The following ZNF264 variants were observed in gnomAD, a reference collection of about 807,000 sequenced individuals.
ZNF264 encodes zinc finger protein 264.
In ZNF264, 11 loss-of-function variants were observed where a neutral mutation model predicts 11.2. The ratio of observed to expected loss-of-function variants is 0.98; its 90% confidence interval spans 0.62 to 1.63. The LOEUF is 1.63. Ranked by LOEUF, ZNF264 falls within the 40% of genes most tolerant of loss-of-function variation. ZNF264 has a pLI of 0.00. For synonymous variants in ZNF264, 309 were observed against 279.8 expected (o/e 1.10, Z -1.04); for missense variants, 752 against 768.1 (o/e 0.98, Z 0.25).
rs981819451 is a variant in ZNF264, at chr19:57,214,097, G to C, written c.*1116G>C. On this transcript the variant is annotated 3_prime_UTR_variant, in exon 4 of 4. Coordinates refer to ENST00000263095, the MANE Select transcript of ZNF264 (RefSeq NM_003417.5). ...TTTTGCTACCCTGCAACCTTATTGA[G>C]TTCACTTATTATTTTTAGCTATTTC... The C allele has an allele frequency of 2.0e-5, 3 of 152,122 alleles. No homozygotes were observed. The highest frequency in any genetic ancestry group is 4.4e-5 in the Non-Finnish European group (3 of 68,022). 9.4% of individuals were successfully genotyped at this position (152,122 alleles called of 1,614,324 possible).
rs1254918474 is a variant in ZNF264 at position 57,213,624 on chromosome 19, A to T, written c.*643A>T. ...TTACTTAGCTCAAAATGTCAGTGGT[A>T]AATTTTTAAATTGAGTAAAGTGATT... On this transcript the variant is annotated 3_prime_UTR_variant, in exon 4 of 4. Coordinates refer to ENST00000263095, the MANE Select transcript of ZNF264 (RefSeq NM_003417.5). 1.3e-5 allele frequency: 2 copies of T among 152,344 alleles called. No homozygotes were observed. Among genetic ancestry groups the T allele is most frequent in the African/African-American group, 4.8e-5 (2 of 41,580 alleles). 9.4% of individuals were successfully genotyped at this position (152,344 alleles called of 1,614,324 possible).
rs534940762 is a variant in ZNF264 at position 57,196,365 on chromosome 19, G to T, written c.160+2364G>T. Among the ~76,000 whole-genome samples the T allele has an allele frequency of 7.8e-4, 118 of 152,136 alleles. 1 individual carries two copies. Among genetic ancestry groups the T allele is most frequent in the African/African-American group, 2.7e-3 (113 of 41,376 alleles). ...ATATCCAGAGTAAGTGTCTATTCTA[G>T]TGAGGACAGACCTCTGCCCTTTCCA... On this transcript the variant is annotated intron_variant, in intron 2 of 3. Transcript: ENST00000263095.
chr19:57,207,916 G>C (rs1471809061), intron 3 of ZNF264, among the ~76,000 whole-genome samples: 1 of 152,004 alleles, frequency 6.6e-6, no homozygotes, highest in Admixed American at 6.6e-5. Flanking sequence ...AATAAAAATG[G>C]GGTTTCACCA....
chr19:57,208,606 A>C (rs2087311397), intron 3 of ZNF264, among the ~76,000 whole-genome samples: 1 of 152,178 alleles, frequency 6.6e-6, no homozygotes, highest in African/African-American at 2.4e-5. Context: ...AAAATTAATA[A>C]TAATTTTCTA....
intron 2 of ZNF264, among the ~76,000 whole-genome samples, chr19:57,199,085 A>G (rs1271811206): frequency 6.6e-6 from 1 of 151,970 alleles, no homozygotes; most frequent in Non-Finnish European, 1.5e-5. Context: ...AGAGATCTAC[A>G]TGAGTCAGAC....
rs770507011 is a variant in ZNF264 at position 57,212,077 on chromosome 19, G to T, written c.980G>T (p.Arg327Met). Reference protein sequence around the residue: ...CTECGQVFRHRPGFLRHYVVH... With the variant: ...CTECGQVFRHMPGFLRHYVVH... The stretch of plus-strand genomic sequence containing the variant: ...GAATGTGGCCAAGTCTTTCGACATA[G>T]GCCAGGCTTTCTCCGGCACTATGTT... Residue 327 changes from arginine (R) to methionine (M), a missense_variant, in exon 4 of 4, where the codon AGG becomes ATG. Arg to Met is a moderately conservative substitution (Grantham distance 91). Transcript: ENST00000263095. 6.2e-7 allele frequency: 1 copy of T among 1,614,146 alleles called. No individual in the cohort carries two copies. Among genetic ancestry groups the T allele is most frequent in the Non-Finnish European group, 8.5e-7 (1 of 1,180,030 alleles).
At position 57,221,650 on chromosome 19, in the gene ZNF264, A is replaced by C. The variant is rs933233993; in HGVS notation, c.*8669A>C. 6.6e-5 allele frequency: 10 copies of C among 152,344 alleles called. 1 individual carries two copies. The South Asian group carries it at 1.9e-3, about 28-fold the overall frequency. The allele number at this position is 152,344 out of a possible 1,614,324, so 9.4% of individuals were successfully genotyped here. A position where few individuals can be genotyped will look rare whatever the true frequency, so the allele number is the denominator to read the frequency against. On this transcript the variant is annotated 3_prime_UTR_variant, in exon 4 of 4. Coordinates refer to ENST00000263095, the MANE Select transcript of ZNF264 (RefSeq NM_003417.5). The stretch of plus-strand genomic sequence containing the variant: ...TTATGACAACACATGCTATATGTCC[A>C]CTGGGAAGCTTATTAGAGACTCAGT...
chr19:57,193,945 A>C lies in ZNF264; in HGVS notation c.104A>C (p.Gln35Pro). The change falls in exon 2 of 4, where the codon CAG becomes CCG. Residue 35 changes from glutamine (Q) to proline (P), a missense_variant. By Grantham distance (76) the Gln-to-Pro change is moderately conservative. Transcript: ENST00000263095. ...KEEWGQLDLA[Q>P]RTLYQEVMLE... ...GAGTGGGGGCAGCTGGACCTAGCTC[A>C]GCGGACCCTGTACCAGGAGGTGATG... 1 of 1,614,012 alleles carries C rather than the reference A, an allele frequency of 6.2e-7. No individual in the cohort carries two copies. Among genetic ancestry groups the C allele is most frequent in the Non-Finnish European group, 8.5e-7 (1 of 1,179,916 alleles).
chr19:57,208,936 C>T (rs2122759925), intron 3 of ZNF264, among the ~76,000 whole-genome samples: 1 of 152,230 alleles, frequency 6.6e-6, no homozygotes, highest in East Asian at 1.9e-4. Context: ...TAGCAACTTA[C>T]TATGATTTTT....
intron 3 of ZNF264, among the ~76,000 whole-genome samples, chr19:57,208,819 T>G (rs1472504161): frequency 6.6e-6 from 1 of 152,192 alleles, no homozygotes; most frequent in Non-Finnish European, 1.5e-5. Context: ...AGAGGTTCCG[T>G]TGACCCATAT....
rs1418352842 is a variant in ZNF264 at position 57,220,677 on chromosome 19, C to T, written c.*7696C>T. 1 of 152,186 alleles carries T rather than the reference C, an allele frequency of 6.6e-6. No individual in the cohort carries two copies. Among genetic ancestry groups the T allele is most frequent in the Non-Finnish European group, 1.5e-5 (1 of 68,054 alleles). The allele number at this position is 152,186 out of a possible 1,614,324, so 9.4% of individuals were successfully genotyped here. A position where few individuals can be genotyped will look rare whatever the true frequency, so the allele number is the denominator to read the frequency against. On this transcript the variant is annotated 3_prime_UTR_variant, in exon 4 of 4. Coordinates refer to ENST00000263095, the MANE Select transcript of ZNF264 (RefSeq NM_003417.5). ...TGTTTGAGACACAGAGTCTCATACTCTGCCACCCAGACTGAAGTGCAGTGG... is the reference window on the plus strand; with the variant it reads ...TGTTTGAGACACAGAGTCTCATACTTTGCCACCCAGACTGAAGTGCAGTGG...
rs73632781 is a variant in ZNF264 at position 57,193,039 on chromosome 19, C to T, written c.34-836C>T. Among the ~76,000 whole-genome samples, 722 of 148,882 alleles carry T rather than the reference C, an allele frequency of 4.8e-3. 3 individuals carry two copies. The highest frequency in any genetic ancestry group is 0.018 in the African/African-American group (691 of 38,410). ...AGCCACCATGCCCGGCCCACAGATA[C>T]GTTTTTCAGGGCTAATTGAAATAGA... On this transcript the variant is annotated intron_variant, in intron 1 of 3. Coordinates refer to ENST00000263095, the MANE Select transcript of ZNF264 (RefSeq NM_003417.5).
intron 2 of ZNF264, among the ~76,000 whole-genome samples, chr19:57,203,025 A>C (rs544497428): frequency 6.6e-6 from 1 of 152,116 alleles, no homozygotes; most frequent in South Asian, 2.1e-4. Flanking sequence ...AAAACCCCCC[A>C]CACATTTGGT....
At position 57,200,676 on chromosome 19, in the gene ZNF264, A is replaced by G. The variant is rs571999108; in HGVS notation, c.161-4721A>G. Among the ~76,000 whole-genome samples the G allele has an allele frequency of 4.0e-5, 6 of 151,766 alleles. No individual in the cohort carries two copies. In the South Asian group the frequency reaches 8.3e-4, roughly 21 times the overall value. On this transcript the variant is annotated intron_variant, in intron 2 of 3. Transcript: ENST00000263095. ...CTTGCCCAGGTTGGAATACAGTGGC[A>G]CAATCTCGGCTCACTGCCTTTGCCT...
chr19:57,192,003 C>A, intron 1 of ZNF264, 57 bp downstream of exon 1: 1 of 1,445,460 alleles, frequency 6.9e-7, no homozygotes. Flanking sequence ...AGGCGGTTTC[C>A]GAAGTGGGTG....
chr19:57,221,576 T>C lies in ZNF264; in HGVS notation c.*8595T>C, dbSNP rs1248404041. ...AAACCAGGCACAATCTTCTGAGTCT[T>C]GTTTCAGTGAAGTCACAGGATGTGC... On this transcript the variant is annotated 3_prime_UTR_variant, in exon 4 of 4. Coordinates refer to ENST00000263095, the MANE Select transcript of ZNF264 (RefSeq NM_003417.5). The C allele has an allele frequency of 6.6e-6, 1 of 152,212 alleles. No homozygotes were observed. Among genetic ancestry groups the C allele is most frequent in the Non-Finnish European group, 1.5e-5 (1 of 68,024 alleles). 9.4% of individuals were successfully genotyped at this position (152,212 alleles called of 1,614,324 possible). A position where few individuals can be genotyped will look rare whatever the true frequency, so the allele number is the denominator to read the frequency against.
intron 2 of ZNF264, among the ~76,000 whole-genome samples, chr19:57,203,470 T>G (rs531043476): frequency 6.6e-6 from 1 of 152,344 alleles, no homozygotes; most frequent in African/African-American, 2.4e-5. Context: ...TATTTTCATC[T>G]GACATGAACC....
intron 2 of ZNF264, among the ~76,000 whole-genome samples, chr19:57,199,446 A>C (rs761759291): frequency 3.3e-5 from 5 of 151,828 alleles, no homozygotes; most frequent in African/African-American, 4.9e-5. Context: ...ACCAAGGGAG[A>C]TCAAGCATTC....
rs1030605588 is a variant in ZNF264 at position 57,219,972 on chromosome 19, G to A, written c.*6991G>A. 2 of 152,266 alleles carry A rather than the reference G, an allele frequency of 1.3e-5. No individual in the cohort carries two copies. Among genetic ancestry groups the A allele is most frequent in the Non-Finnish European group, 2.9e-5 (2 of 68,052 alleles). 9.4% of individuals were successfully genotyped at this position (152,266 alleles called of 1,614,324 possible). A position where few individuals can be genotyped will look rare whatever the true frequency, so the allele number is the denominator to read the frequency against. On this transcript the variant is annotated 3_prime_UTR_variant, in exon 4 of 4. Coordinates refer to ENST00000263095, the MANE Select transcript of ZNF264 (RefSeq NM_003417.5). The stretch of plus-strand genomic sequence containing the variant: ...ATGTGGCTATGTATGAGACATTGTT[G>A]TGAATGTTTTACATGCATCAGCTCT...
Sources: allele counts gnomAD v4.1 joint callset (sites outside exome capture counted in the v4.1 genomes callset), GRCh38; gene constraint gnomAD v4.1.1; transcripts MANE v1.5; gene names NCBI Gene and HGNC (gene_info 2026-07-23, HGNC 2026-07-21).